The following ZNF75D variants were observed in gnomAD, a reference collection of about 807,000 sequenced individuals.
ZNF75D encodes zinc finger protein 75D, also known as zinc finger protein 75.
Under a neutral mutation model 33.3 loss-of-function variants are expected in ZNF75D, and 33 were observed. That is an observed-to-expected ratio of 0.99 (90% CI 0.75 to 1.32). The LOEUF (loss-of-function observed/expected upper bound fraction) is 1.32. Among genes scored for constraint, ZNF75D ranks in the 40% most tolerant of loss-of-function variants. ZNF75D has a pLI of 0.00. For missense variants in ZNF75D, 338 were observed against 367.5 expected, an observed-to-expected ratio of 0.92 and a Z score of 0.66; for synonymous variants, 113 against 130.6, an observed-to-expected ratio of 0.87 and a Z score of 0.92.
intron 1 of ZNF75D, among the ~76,000 whole-genome samples, chrX:135,299,713 CTG>C (rs1378278662): frequency 2.7e-5 from 3 of 112,216 alleles, no homozygotes; most frequent in African/African-American, 9.7e-5. Flanking sequence ...ACATTTACAC[CTG>C]TGTTTTCTTT....
At chrX:135,320,403 TTAA>T (rs1204308723) in intron 1 of ZNF75D, among the ~76,000 whole-genome samples, 1 of 111,908 alleles carries the variant, frequency 8.9e-6, no homozygotes, top group Non-Finnish European at 1.9e-5. Flanking sequence ...TACCATTAAT[TTAA>T]TAATATACAT....
Position 135,291,476 on chromosome X carries a change from G to C in ZNF75D, c.692C>G (p.Ser231Cys), listed in dbSNP as rs376018076. The stretch of plus-strand genomic sequence containing the variant: ...AAGCCAGAAATAACAGCTCACCAGG[G>C]ACTCAGGCAGGATGAGTTTAGATGC... Reference protein sequence around the residue: ...KMASKLILPESLSLLTFEDVA... With the variant: ...KMASKLILPECLSLLTFEDVA... Residue 231 changes from serine (S) to cysteine (C), a missense_variant, in exon 5 of 7, where the codon TCC (serine) becomes TGC (cysteine). Ser to Cys is a moderately radical substitution (Grantham distance 112). Transcript: ENST00000370766. 2.5e-6 allele frequency: 3 copies of C among 1,211,700 alleles called. No individual in the cohort carries two copies.
At chrX:135,321,986 G>C (rs2084501776) in intron 1 of ZNF75D, among the ~76,000 whole-genome samples, 1 of 112,064 alleles carries the variant, frequency 8.9e-6, no homozygotes, top group South Asian at 3.7e-4. Flanking sequence ...TTGATTTACT[G>C]CAGGTGCTTA....
chrX:135,261,228 A>G (rs1171687545), intron 1 of ZNF75D, among the ~76,000 whole-genome samples: 2 of 112,187 alleles, frequency 1.8e-5, no homozygotes, highest in Admixed American at 9.4e-5. Context: ...TATGTGGTCA[A>G]TTTTAGAGTA....
At chrX:135,317,761 T>C (rs2084438612) in intron 1 of ZNF75D, among the ~76,000 whole-genome samples, 1 of 111,298 alleles carries the variant, frequency 9.0e-6, no homozygotes, top group Non-Finnish European at 1.9e-5. Flanking sequence ...CTGGACTATG[T>C]GCTCTGTCTG....
chrX:135,329,244 CCACT>C (rs1464693844), intron 1 of ZNF75D, among the ~76,000 whole-genome samples: 1 of 112,026 alleles, frequency 8.9e-6, no homozygotes, highest in Non-Finnish European at 1.9e-5. Context: ...TCTTCAATTA[CCACT>C]TTTTAGAGAT....
intron 1 of ZNF75D, among the ~76,000 whole-genome samples, chrX:135,332,449 G>A (rs1304157518): frequency 1.8e-5 from 2 of 110,537 alleles, no homozygotes; most frequent in Non-Finnish European, 3.8e-5. Flanking sequence ...TATAAAATAG[G>A]CCCAAAGGAG....
chrX:135,280,177 T>C (rs2083914831), intron 1 of ZNF75D, among the ~76,000 whole-genome samples: 1 of 112,097 alleles, frequency 8.9e-6, no homozygotes, highest in Non-Finnish European at 1.9e-5. Flanking sequence ...CTGTATTGGG[T>C]GCATATATGT....
chrX:135,338,687 G>C (rs1602670315), intron 1 of ZNF75D, among the ~76,000 whole-genome samples: 1 of 112,126 alleles, frequency 8.9e-6, no homozygotes, highest in African/African-American at 3.2e-5. Flanking sequence ...TCTACTGATA[G>C]AAGAAACTAC....
intron 1 of ZNF75D, among the ~76,000 whole-genome samples, chrX:135,317,548 AGTG>A (rs1388780897): frequency 9.0e-6 from 1 of 110,849 alleles, no homozygotes; most frequent in Non-Finnish European, 1.9e-5. Context: ...GGGTGATGGC[AGTG>A]GTGGTGGTGG....
chrX:135,324,563 T>C (rs182492691), intron 1 of ZNF75D, among the ~76,000 whole-genome samples: 9 of 112,728 alleles, frequency 8.0e-5, no homozygotes, highest in African/African-American at 2.9e-4. Flanking sequence ...AAAATATAGT[T>C]TCTTGCCTCA....
chrX:135,306,857 T>C (rs1325734564), intron 1 of ZNF75D, among the ~76,000 whole-genome samples: 3 of 111,974 alleles, frequency 2.7e-5, no homozygotes, highest in African/African-American at 9.7e-5. Flanking sequence ...AGGAAGACTA[T>C]GCAGATTTTT....
intron 1 of ZNF75D, among the ~76,000 whole-genome samples, chrX:135,306,005 G>A (rs1234774751): frequency 9.0e-6 from 1 of 111,280 alleles, no homozygotes; most frequent in Non-Finnish European, 1.9e-5. Flanking sequence ...TGGGTCAATG[G>A]CATAGTGTTT....
At chrX:135,257,647 C>T (rs1271713647) in intron 1 of ZNF75D, among the ~76,000 whole-genome samples, 1 of 112,624 alleles carries the variant, frequency 8.9e-6, no homozygotes, top group East Asian at 2.8e-4. Context: ...GGCTTCACGT[C>T]AGGCCCAGTA....
chrX:135,325,257 T>G (rs1225933260), intron 1 of ZNF75D, among the ~76,000 whole-genome samples: 1 of 105,876 alleles, frequency 9.4e-6, no homozygotes, highest in Non-Finnish European at 2.0e-5. Flanking sequence ...CTGTTCTGAG[T>G]GCTTTAGTAA....
intron 1 of ZNF75D, among the ~76,000 whole-genome samples, chrX:135,274,295 G>T (rs1278906961): frequency 8.9e-6 from 1 of 111,899 alleles, no homozygotes; most frequent in Non-Finnish European, 1.9e-5. Context: ...TACTAAACAT[G>T]CTGGTTTTAA....
intron 1 of ZNF75D, among the ~76,000 whole-genome samples, chrX:135,317,052 T>G (rs1369884903): frequency 1.8e-5 from 2 of 111,439 alleles, no homozygotes; most frequent in Non-Finnish European, 3.8e-5. Flanking sequence ...GTTTCCTGCG[T>G]CCTTACATTG....
intron 1 of ZNF75D, among the ~76,000 whole-genome samples, chrX:135,267,802 A>G (rs1429301611): frequency 2.0e-5 from 2 of 97,621 alleles, no homozygotes; most frequent in Non-Finnish European, 4.4e-5. Context: ...AGACAAAGAT[A>G]CACCAAAAAA....
intron 1 of ZNF75D, among the ~76,000 whole-genome samples, chrX:135,258,378 C>T (rs1339188842): frequency 2.7e-5 from 3 of 110,619 alleles, no homozygotes; most frequent in Non-Finnish European, 5.7e-5. Context: ...CACACTGTCT[C>T]CCACAATGGT....
Sources: gnomAD v4.1 joint callset for allele counts (sites outside exome capture counted in the v4.1 genomes callset) on GRCh38, gnomAD v4.1.1 for gene constraint, MANE v1.5 for transcripts, NCBI Gene and HGNC (gene_info 2026-07-23, HGNC 2026-07-21) for gene names.